The following TCF4 variants were observed in gnomAD, a reference collection of about 807,000 sequenced individuals.
TCF4 encodes the protein SL3-3 enhancer factor 2.
Under a neutral mutation model 82.1 loss-of-function variants are expected in TCF4, and 3 were observed. The ratio of observed to expected loss-of-function variants is 0.04; its 90% CI spans 0.02 to 0.09. TCF4 has a LOEUF of 0.09. Ranked by LOEUF, TCF4 falls within the 10% of genes least tolerant of loss-of-function variation. The pLI is 1.00. For synonymous variants in TCF4, 276 were observed against 309.6 expected (o/e 0.89, Z 1.14); for missense variants, 518 against 852.7 (o/e 0.61, Z 4.89).
intron 6 of TCF4, among the ~76,000 whole-genome samples, chr18:55,374,324 C>A (rs1296591394): frequency 6.8e-6 from 1 of 147,266 alleles, no homozygotes; most frequent in African/African-American, 2.5e-5. Flanking sequence ...TGTAGATTAT[C>A]AATGAAACCA....
chr18:55,342,268 T>G (rs2080151665), intron 8 of TCF4, among the ~76,000 whole-genome samples: 1 of 152,162 alleles, frequency 6.6e-6, no homozygotes, highest in African/African-American at 2.4e-5. Context: ...ACTGTATCTG[T>G]TAATAATAAA....
At chr18:55,581,452 T>C (rs1191525035) in intron 3 of TCF4, among the ~76,000 whole-genome samples, 1 of 152,016 alleles carries the variant, frequency 6.6e-6, no homozygotes, top group African/African-American at 2.4e-5. Flanking sequence ...TTTTAACCTG[T>C]TAAATTACTC....
intron 2 of TCF4, among the ~76,000 whole-genome samples, chr18:55,597,546 A>G (rs2097692319): frequency 6.6e-6 from 1 of 152,068 alleles, no homozygotes; most frequent in Non-Finnish European, 1.5e-5. Context: ...GTGTGCCTGT[A>G]TCCCCAGCTA....
chr18:55,628,889 C>T (rs1249458630), intron 2 of TCF4, among the ~76,000 whole-genome samples: 1 of 151,990 alleles, frequency 6.6e-6, no homozygotes, highest in African/African-American at 2.4e-5. Context: ...TAGTAAAATG[C>T]CAGACTAGAC....
intron 6 of TCF4, among the ~76,000 whole-genome samples, chr18:55,380,613 G>A (rs1287164948): frequency 3.3e-5 from 5 of 152,098 alleles, no homozygotes; most frequent in Non-Finnish European, 4.4e-5. Context: ...AGCCCAAAAC[G>A]ATAAATAAAA....
chr18:55,521,942 T>C (rs2096936642), intron 3 of TCF4, among the ~76,000 whole-genome samples: 3 of 152,056 alleles, frequency 2.0e-5, no homozygotes, highest in Admixed American at 1.3e-4. Flanking sequence ...GAAGCACCCA[T>C]GAACAGTCGG....
intron 3 of TCF4, among the ~76,000 whole-genome samples, chr18:55,546,397 T>C (rs1011504900): frequency 2.0e-5 from 3 of 152,084 alleles, no homozygotes; most frequent in Non-Finnish European, 2.9e-5. Flanking sequence ...AGAATAATTA[T>C]GAATTAAATA....
chr18:55,537,927 T>A (rs188690226), intron 3 of TCF4, among the ~76,000 whole-genome samples: 227 of 152,150 alleles, frequency 1.5e-3, no homozygotes, highest in African/African-American at 5.0e-3. Context: ...AATGCACTGC[T>A]CCTATCGTAC....
At chr18:55,236,789 T>C (rs2049578586) in intron 15 of TCF4, among the ~76,000 whole-genome samples, 1 of 152,220 alleles carries the variant, frequency 6.6e-6, no homozygotes, top group African/African-American at 2.4e-5. Context: ...ACCTAAATAA[T>C]TCTTCGTGCT....
At chr18:55,528,436 T>G (rs1603619250) in intron 3 of TCF4, among the ~76,000 whole-genome samples, 1 of 152,216 alleles carries the variant, frequency 6.6e-6, no homozygotes, top group African/African-American at 2.4e-5. Context: ...ATGTACAGCC[T>G]TACCTGGAAA....
chr18:55,317,110 T>C (rs1434427215), intron 8 of TCF4, among the ~76,000 whole-genome samples: 1 of 151,944 alleles, frequency 6.6e-6, no homozygotes, highest in Admixed American at 6.6e-5. Flanking sequence ...AAGAACAAAA[T>C]CAACATAATT....
intron 2 of TCF4, among the ~76,000 whole-genome samples, chr18:55,611,986 G>T (rs2097707488): frequency 6.6e-6 from 1 of 152,132 alleles, no homozygotes; most frequent in Admixed American, 6.5e-5. Context: ...GGCCAGGCTG[G>T]TCTCAAACTC....
intron 3 of TCF4, among the ~76,000 whole-genome samples, chr18:55,581,902 T>C (rs1904983944): frequency 6.6e-6 from 1 of 152,058 alleles, no homozygotes; most frequent in African/African-American, 2.4e-5. Flanking sequence ...TCAGTAAAAC[T>C]AAACAGTCAC....
At chr18:55,500,161 G>A (rs965128672) in intron 3 of TCF4, among the ~76,000 whole-genome samples, 4 of 152,034 alleles carry the variant, frequency 2.6e-5, no homozygotes, top group African/African-American at 4.8e-5. Flanking sequence ...CAGCCTGGGC[G>A]ACAGAGGGAG....
chr18:55,239,058 T>C (rs955732572), intron 15 of TCF4, among the ~76,000 whole-genome samples: 10 of 152,206 alleles, frequency 6.6e-5, no homozygotes, highest in African/African-American at 1.9e-4. Context: ...CTGAGTTACA[T>C]TGTATCTTAG....
At chr18:55,518,919 T>G (rs1181699514) in intron 3 of TCF4, 1 of 152,172 alleles carries the variant, frequency 6.6e-6, no homozygotes, top group Non-Finnish European at 1.5e-5. Context: ...GTTCCCTATA[T>G]TCTTACATAT....
intron 15 of TCF4, among the ~76,000 whole-genome samples, chr18:55,244,754 T>A (rs1406503113): frequency 6.6e-6 from 1 of 152,152 alleles, no homozygotes; most frequent in Non-Finnish European, 1.5e-5. Context: ...CCATCTAGAC[T>A]ACAGGGGGAA....
At chr18:55,297,147 GTTTTTTTTTTTT>G (rs35268463) in intron 8 of TCF4, among the ~76,000 whole-genome samples, 2 of 64,250 alleles carry the variant, frequency 3.1e-5, no homozygotes, top group African/African-American at 1.4e-4. Context: ...TTTCTTTGAG[GTTTTTTTTTTTT>G]TTTTTTTTTT....
chr18:55,507,249 T>G (rs2096772223), intron 3 of TCF4, among the ~76,000 whole-genome samples: 1 of 152,174 alleles, frequency 6.6e-6, no homozygotes, highest in South Asian at 2.1e-4. Context: ...CCAGATTCAC[T>G]ACTTTTGTGC....
Sources: gnomAD v4.1 joint callset for allele counts (sites outside exome capture counted in the v4.1 genomes callset) on GRCh38, gnomAD v4.1.1 for gene constraint, MANE v1.5 for transcripts, NCBI Gene and HGNC (gene_info 2026-07-23, HGNC 2026-07-21) for gene names.